Variants in TAFA2 observed in about 807,000 individuals in gnomAD.
TAFA2 encodes the protein TAFA chemokine like family member 2.
A neutral mutation model predicts 18.8 loss-of-function variants in TAFA2; 7 were observed. That is an observed-to-expected ratio of 0.37 (90% CI 0.21 to 0.70). The LOEUF (loss-of-function observed/expected upper bound fraction) is 0.70. Among genes scored for constraint, TAFA2 ranks in the 30% least tolerant of loss-of-function variants. The pLI is 0.53. For synonymous variants in TAFA2, 60 were observed against 54.2 expected (o/e 1.11, Z -0.47); for missense variants, 122 against 158.1 (o/e 0.77, Z 1.23).
At chr12:61,834,745 T>G (rs371940300) in intron 2 of TAFA2, among the ~76,000 whole-genome samples, 1 of 152,032 alleles carries the variant, frequency 6.6e-6, no homozygotes, top group African/African-American at 2.4e-5. Flanking sequence ...CTAGCTAGAA[T>G]CCTATCAACA....
intron 1 of TAFA2, among the ~76,000 whole-genome samples, chr12:62,012,753 T>G (rs961964395): frequency 6.6e-6 from 1 of 152,222 alleles, no homozygotes; most frequent in Non-Finnish European, 1.5e-5. Flanking sequence ...ATTTTGGTAC[T>G]ATGATACTAC....
intron 2 of TAFA2, among the ~76,000 whole-genome samples, chr12:61,792,321 T>C (rs139797414): frequency 6.6e-6 from 1 of 151,500 alleles, no homozygotes; most frequent in East Asian, 1.9e-4. Context: ...AGCCCTGGTG[T>C]TTTATTGCAC....
At chr12:62,107,188 C>T (rs946879236) in intron 1 of TAFA2, among the ~76,000 whole-genome samples, 1 of 151,934 alleles carries the variant, frequency 6.6e-6, no homozygotes, top group Non-Finnish European at 1.5e-5. Context: ...GGTATTTCTC[C>T]ACCCACCCGC....
chr12:61,930,554 G>A (rs1412740076), intron 1 of TAFA2, among the ~76,000 whole-genome samples: 1 of 152,128 alleles, frequency 6.6e-6, no homozygotes, highest in Non-Finnish European at 1.5e-5. Flanking sequence ...CTACACAAGG[G>A]CAAAAGCCAA....
chr12:62,072,046 T>C (rs1371760114), intron 1 of TAFA2, among the ~76,000 whole-genome samples: 1 of 152,196 alleles, frequency 6.6e-6, no homozygotes, highest in East Asian at 1.9e-4. Flanking sequence ...TTCACACTCA[T>C]TTTTCTCCAA....
At chr12:61,756,572 G>A (rs1869277489) in intron 2 of TAFA2, among the ~76,000 whole-genome samples, 1 of 152,052 alleles carries the variant, frequency 6.6e-6, no homozygotes, top group African/African-American at 2.4e-5. Flanking sequence ...ACACAGCAAT[G>A]AATAAGGGAC....
chr12:62,047,150 A>G (rs577733546), intron 1 of TAFA2, among the ~76,000 whole-genome samples: 4 of 152,130 alleles, frequency 2.6e-5, no homozygotes, highest in Non-Finnish European at 5.9e-5. Context: ...AGTAATAAAC[A>G]TTCTCTTATC....
chr12:62,113,154 G>A (rs1461013877), intron 1 of TAFA2, among the ~76,000 whole-genome samples: 2 of 152,080 alleles, frequency 1.3e-5, no homozygotes, highest in African/African-American at 2.4e-5. Flanking sequence ...AGTGATCTTC[G>A]GATCGGGTGT....
chr12:61,835,446 G>T (rs886580332), intron 2 of TAFA2, among the ~76,000 whole-genome samples: 4 of 151,974 alleles, frequency 2.6e-5, no homozygotes, highest in Admixed American at 2.6e-4. Context: ...TGATGCTGAG[G>T]TTTGGGCTGC....
rs59314641 is a variant in TAFA2 at position 62,035,555 on chromosome 12, T to TAA, written c.-2+155702_-2+155703dup. Reference sequence around the variant, plus strand: ...ACAAAAGCCATAAAATAAAAAAAATTAAAAAAAAAAACCACACAGGCTATT... The same window carrying TAA: ...ACAAAAGCCATAAAATAAAAAAAATTAAAAAAAAAAAAACCACACAGGCTATT... On this transcript the variant is annotated intron_variant, in intron 1 of 4. Transcript: ENST00000416284. 7.9e-3 allele frequency among the ~76,000 whole-genome samples: 1,130 copies of TAA among 143,760 alleles called. 17 individuals are homozygous for TAA. The highest frequency in any genetic ancestry group is 0.028 in the African/African-American group (1,094 of 39,202). The allele number at this position is 143,760 out of a possible 152,430, so 94.3% of individuals were successfully genotyped here.
At chr12:61,907,270 T>C (rs1490924704) in intron 1 of TAFA2, among the ~76,000 whole-genome samples, 2 of 152,182 alleles carry the variant, frequency 1.3e-5, no homozygotes, top group Non-Finnish European at 2.9e-5. Context: ...GATAATTCTG[T>C]GGGCTGGGCC....
rs765181087 is a variant in TAFA2 at position 61,872,237 on chromosome 12, A to G, written c.-1-4811T>C. 5.7e-4 allele frequency among the ~76,000 whole-genome samples: 87 copies of G among 152,200 alleles called. 1 individual carries two copies. Among genetic ancestry groups the G allele is most frequent in the Non-Finnish European group, 7.9e-4 (54 of 68,040 alleles). On this transcript the variant is annotated intron_variant, in intron 1 of 4. Coordinates refer to ENST00000416284, the MANE Select transcript of TAFA2 (RefSeq NM_178539.5). ...ATAAAAAAGATAAAAGTGGAGGCTT[A>G]GAATCCAACCACCTGACCTCCCCTT...
At chr12:62,023,419 T>C (rs578027193) in intron 1 of TAFA2, among the ~76,000 whole-genome samples, 1 of 152,106 alleles carries the variant, frequency 6.6e-6, no homozygotes, top group Admixed American at 6.5e-5. Flanking sequence ...AATAATCATA[T>C]ATACATCTAG....
intron 1 of TAFA2, among the ~76,000 whole-genome samples, chr12:62,076,245 C>A (rs1868247932): frequency 1.3e-5 from 2 of 152,130 alleles, no homozygotes; most frequent in African/African-American, 4.8e-5. Context: ...AAAGATCAAA[C>A]AGACATGTGG....
At chr12:61,997,191 G>GTGTGTGTGTA (rs1555182352) in intron 1 of TAFA2, among the ~76,000 whole-genome samples, 1 of 150,596 alleles carries the variant, frequency 6.6e-6, no homozygotes, top group East Asian at 1.9e-4. Flanking sequence ...GTGTGTGTGT[G>GTGTGTGTGTA]TATATATATA....
intron 2 of TAFA2, among the ~76,000 whole-genome samples, chr12:61,854,910 T>G (rs1873820803): frequency 6.6e-6 from 1 of 152,128 alleles, no homozygotes; most frequent in South Asian, 2.1e-4. Flanking sequence ...TGGAAATGTA[T>G]CATCATATGT....
intron 2 of TAFA2, among the ~76,000 whole-genome samples, chr12:61,799,360 T>C (rs1309683165): frequency 2.6e-5 from 4 of 152,214 alleles, no homozygotes; most frequent in Non-Finnish European, 5.9e-5. Context: ...ATCTTGATCC[T>C]ATCTTGAGAT....
intron 1 of TAFA2, among the ~76,000 whole-genome samples, chr12:62,246,924 G>GTT (rs1164103754): frequency 6.9e-6 from 1 of 145,888 alleles, no homozygotes; most frequent in Non-Finnish European, 1.5e-5. Flanking sequence ...AGGCTGTTTT[G>GTT]TTTTGTTTTT....
At position 61,867,325 on chromosome 12, in the gene TAFA2, T is replaced by G. The variant is rs772431122; in HGVS notation, c.101A>C (p.His34Pro). ...WGKVVSSANH[H>P]KAHHVKTGTC... Reference sequence around the variant, plus strand: ...AAAAAAACAGAAAAGCTTACCTTTATGATGGTTTGCACTGGATACAACTTT... The same window carrying G: ...AAAAAAACAGAAAAGCTTACCTTTAGGATGGTTTGCACTGGATACAACTTT... The change falls in exon 2 of 5, where the codon CAT (histidine) becomes CCT (proline). Residue 34 changes from histidine to proline, a missense_variant. By Grantham distance (77) the His-to-Pro change is moderately conservative. Around this residue, in one of 2 missense-constraint regions of TAFA2, gnomAD observed 62 missense variants for 55.5 expected, o/e 1.12. Transcript: ENST00000416284. 4 of 1,572,674 alleles carry G rather than the reference T, an allele frequency of 2.5e-6. No homozygotes were observed. The highest frequency in any genetic ancestry group is 1.7e-4 in the Middle Eastern group (1 of 5,956).
Sources: allele counts gnomAD v4.1 joint callset (sites outside exome capture counted in the v4.1 genomes callset), GRCh38; gene constraint gnomAD v4.1.1; regional missense constraint gnomAD v4.1.1; transcripts MANE v1.5; gene names NCBI Gene and HGNC (gene_info 2026-07-23, HGNC 2026-07-21).